TAFA2: variants seen among roughly 807,000 people sequenced by gnomAD.
The protein encoded by TAFA2 is TAFA chemokine like family member 2.
A neutral mutation model predicts 18.8 loss-of-function variants in TAFA2; 7 were observed. That is an observed-to-expected ratio of 0.37 (90% CI 0.21 to 0.70). The LOEUF (loss-of-function observed/expected upper bound fraction) is 0.70. Among genes scored for constraint, TAFA2 ranks in the 30% least tolerant of loss-of-function variants. The probability of loss-of-function intolerance (pLI) is 0.53; values close to 1 mark genes in which losing one functional copy is unlikely to be tolerated. For synonymous variants in TAFA2, 60 were observed against 54.2 expected (o/e 1.11, Z -0.47); for missense variants, 122 against 158.1 (o/e 0.77, Z 1.23).
At chr12:61,992,540 T>G (rs1880047421) in intron 1 of TAFA2, among the ~76,000 whole-genome samples, 1 of 152,106 alleles carries the variant, frequency 6.6e-6, no homozygotes, top group East Asian at 1.9e-4. Flanking sequence ...GCAGCTAGAG[T>G]GAGCCTTTGA....
At chr12:61,787,615 C>T (rs1011264683) in intron 2 of TAFA2, among the ~76,000 whole-genome samples, 2 of 151,602 alleles carry the variant, frequency 1.3e-5, no homozygotes, top group African/African-American at 4.8e-5. Flanking sequence ...CAAAGTTACA[C>T]TGTTATAAGC....
At chr12:62,222,193 A>AAAC (rs1199242736) in intron 1 of TAFA2, among the ~76,000 whole-genome samples, 1 of 149,746 alleles carries the variant, frequency 6.7e-6, no homozygotes, top group Non-Finnish European at 1.5e-5. Context: ...AAGGTATAAT[A>AAAC]AACACACACA....
At chr12:62,165,947 A>T (rs1252468280) in intron 1 of TAFA2, among the ~76,000 whole-genome samples, 53 of 150,580 alleles carry the variant, frequency 3.5e-4, no homozygotes, top group Middle Eastern at 6.9e-3. Flanking sequence ...TCTCACACAC[A>T]CACACACACA....
At chr12:62,187,660 C>T (rs959138578) in intron 1 of TAFA2, among the ~76,000 whole-genome samples, 6 of 152,122 alleles carry the variant, frequency 3.9e-5, no homozygotes, top group South Asian at 2.1e-4. Context: ...ATTTCATTGA[C>T]GACACTGCAC....
At chr12:61,984,175 A>G (rs1262146086) in intron 1 of TAFA2, among the ~76,000 whole-genome samples, 1 of 152,230 alleles carries the variant, frequency 6.6e-6, no homozygotes, top group Non-Finnish European at 1.5e-5. Flanking sequence ...TATTGTATTC[A>G]CTGAGCTATC....
At chr12:61,739,888 T>C (rs1868373077) in intron 4 of TAFA2, among the ~76,000 whole-genome samples, 1 of 152,088 alleles carries the variant, frequency 6.6e-6, no homozygotes, top group South Asian at 2.1e-4. Flanking sequence ...TGTCTGAGAA[T>C]ATTCAATTTG....
At chr12:62,062,909 C>G (rs1374554397) in intron 1 of TAFA2, among the ~76,000 whole-genome samples, 1 of 152,092 alleles carries the variant, frequency 6.6e-6, no homozygotes, top group South Asian at 2.1e-4. Context: ...GCCTTCAAAG[C>G]CAGCAACAGC....
chr12:62,020,400 A>G (rs1246753210), intron 1 of TAFA2, among the ~76,000 whole-genome samples: 2 of 152,182 alleles, frequency 1.3e-5, no homozygotes, highest in African/African-American at 4.8e-5. Context: ...GCTGAATATC[A>G]GGGGACAAAT....
intron 1 of TAFA2, among the ~76,000 whole-genome samples, chr12:62,151,814 G>A (rs927277438): frequency 1.2e-4 from 19 of 152,176 alleles, no homozygotes; most frequent in Non-Finnish European, 2.6e-4. Flanking sequence ...ATTATTTAAA[G>A]AAGTATATTT....
chr12:61,905,176 C>G (rs1226711122), intron 1 of TAFA2, among the ~76,000 whole-genome samples: 2 of 146,976 alleles, frequency 1.4e-5, no homozygotes, highest in Non-Finnish European at 3.0e-5. Flanking sequence ...GTACATTATA[C>G]TCCTATGGTG....
chr12:61,921,285 C>A (rs953492995), intron 1 of TAFA2, among the ~76,000 whole-genome samples: 1 of 151,980 alleles, frequency 6.6e-6, no homozygotes, highest in Non-Finnish European at 1.5e-5. Context: ...ATGAACTAAC[C>A]CAGGTAAGAG....
chr12:61,903,854 A>T (rs978781856), intron 1 of TAFA2, among the ~76,000 whole-genome samples: 1 of 151,968 alleles, frequency 6.6e-6, no homozygotes, highest in Non-Finnish European at 1.5e-5. Context: ...CAAGAGTAAA[A>T]CCCTCTTCTT....
intron 1 of TAFA2, among the ~76,000 whole-genome samples, chr12:62,243,083 G>T (rs901904092): frequency 6.6e-6 from 1 of 152,074 alleles, no homozygotes; most frequent in Admixed American, 6.5e-5. Context: ...CAGTTATTTA[G>T]ATTTTTTAAA....
chr12:62,246,250 T>C (rs892339773), intron 1 of TAFA2, among the ~76,000 whole-genome samples: 5 of 152,226 alleles, frequency 3.3e-5, no homozygotes, highest in Non-Finnish European at 5.9e-5. Flanking sequence ...CCTCCCAAAG[T>C]GCTGGGATTA....
intron 1 of TAFA2, among the ~76,000 whole-genome samples, chr12:62,020,958 G>T (rs1403471130): frequency 3.3e-5 from 5 of 152,106 alleles, no homozygotes; most frequent in African/African-American, 7.2e-5. Context: ...AGTTTTATTT[G>T]AACTCAGTTA....
intron 1 of TAFA2, among the ~76,000 whole-genome samples, chr12:62,182,145 A>G (rs749196004): frequency 6.6e-6 from 1 of 152,200 alleles, no homozygotes; most frequent in Non-Finnish European, 1.5e-5. Flanking sequence ...ACTAGAATAT[A>G]TTGATATATA....
intron 1 of TAFA2, among the ~76,000 whole-genome samples, chr12:62,088,836 A>G (rs145582642): frequency 6.6e-6 from 1 of 152,094 alleles, no homozygotes; most frequent in African/African-American, 2.4e-5. Context: ...AAAAAACCAC[A>G]GGCTGATGTG....
chr12:61,765,747 C>G (rs1869761767), intron 2 of TAFA2, among the ~76,000 whole-genome samples: 1 of 151,984 alleles, frequency 6.6e-6, no homozygotes, highest in African/African-American at 2.4e-5. Flanking sequence ...AACATCTAAA[C>G]CAGACCCTTG....
chr12:61,957,225 T>G (rs975985088), intron 1 of TAFA2, among the ~76,000 whole-genome samples: 2 of 152,132 alleles, frequency 1.3e-5, no homozygotes, highest in Non-Finnish European at 2.9e-5. Flanking sequence ...ACCCATCCCT[T>G]TTTTCCTTCT....
Sources: gnomAD v4.1 joint callset for allele counts (sites outside exome capture counted in the v4.1 genomes callset) on GRCh38, gnomAD v4.1.1 for gene constraint, MANE v1.5 for transcripts, NCBI Gene and HGNC (gene_info 2026-07-23, HGNC 2026-07-21) for gene names.